The following CECR2 variants were observed in gnomAD, a reference collection of about 807,000 sequenced individuals.
CECR2 encodes chromatin remodeling regulator CECR2.
A neutral mutation model predicts 154.5 loss-of-function variants in CECR2; 30 were observed. That is an observed-to-expected ratio of 0.19 (90% CI 0.15 to 0.26). The LOEUF is 0.26. CECR2 is among the 10% of genes least tolerant of loss of function. The probability of loss-of-function intolerance (pLI) is 1.00; values close to 1 mark genes in which losing one functional copy is unlikely to be tolerated. For synonymous variants in CECR2, 725 were observed against 683.7 expected, an observed-to-expected ratio of 1.06 and a Z score of -0.94; for missense variants, 1,743 against 1,829.3, an observed-to-expected ratio of 0.95 and a Z score of 0.86.
At chr22:17,459,308 C>T (rs183698379) in intron 1 of CECR2, among the ~76,000 whole-genome samples, 5 of 152,236 alleles carry the variant, frequency 3.3e-5, no homozygotes, top group South Asian at 2.1e-4. Flanking sequence ...TTGCCCTGCC[C>T]GGCCCTGCAT....
At chr22:17,363,242 C>T (rs907643007) in intron 1 of CECR2, among the ~76,000 whole-genome samples, 8 of 150,828 alleles carry the variant, frequency 5.3e-5, no homozygotes, top group Non-Finnish European at 7.4e-5. Context: ...GTTGGGGTCT[C>T]GCTTTCGCCA....
chr22:17,367,964 A>G (rs2063011516), upstream of CECR2, among the ~76,000 whole-genome samples: 1 of 152,208 alleles, frequency 6.6e-6, no homozygotes, highest in East Asian at 1.9e-4. Context: ...ACTTTAAATC[A>G]TCAAATAGTT....
chr22:17,481,559 T>C (rs558373212), intron 2 of CECR2, among the ~76,000 whole-genome samples: 4 of 152,218 alleles, frequency 2.6e-5, no homozygotes, highest in East Asian at 1.9e-4. Flanking sequence ...TTTTCCGTTG[T>C]GGTTTGCATG....
intron 7 of CECR2, among the ~76,000 whole-genome samples, chr22:17,507,297 C>T (rs2146909143): frequency 6.6e-6 from 1 of 152,304 alleles, no homozygotes; most frequent in Middle Eastern, 3.4e-3. Flanking sequence ...TCCAGAAAAC[C>T]TCCGTTTCAC....
chr22:17,470,654 T>A (rs138155702), intron 1 of CECR2, among the ~76,000 whole-genome samples: 1 of 148,968 alleles, frequency 6.7e-6, no homozygotes, highest in East Asian at 2.0e-4. Flanking sequence ...AAATTTTCCT[T>A]GTCCGTTTTT....
At chr22:17,486,383 G>A (rs2055420555) in intron 2 of CECR2, among the ~76,000 whole-genome samples, 1 of 152,196 alleles carries the variant, frequency 6.6e-6, no homozygotes, top group Admixed American at 6.5e-5. Context: ...TGGGTGTAAG[G>A]CGTGGGGCTG....
chr22:17,395,840 A>G (rs1310978808), intron 1 of CECR2, among the ~76,000 whole-genome samples: 1 of 151,880 alleles, frequency 6.6e-6, no homozygotes, highest in Non-Finnish European at 1.5e-5. Flanking sequence ...TAAGTTGTTT[A>G]TTTTTATATT....
intron 1 of CECR2, among the ~76,000 whole-genome samples, chr22:17,476,634 C>T (rs1569106764): frequency 5.3e-5 from 8 of 152,228 alleles, no homozygotes; most frequent in African/African-American, 7.2e-5. Flanking sequence ...TTTTCAGAAC[C>T]GTTAATAAGA....
At chr22:17,477,040 T>A in intron 1 of CECR2, 1 of 701,150 alleles carries the variant, frequency 1.4e-6, no homozygotes. Flanking sequence ...CAATCACCTT[T>A]CATCAGCCAT....
At chr22:17,476,296 A>C (rs560470497) in intron 1 of CECR2, among the ~76,000 whole-genome samples, 48 of 151,126 alleles carry the variant, frequency 3.2e-4, no homozygotes, top group African/African-American at 1.1e-3. Flanking sequence ...ACAGTGTCTC[A>C]CTCTGTCGCC....
chr22:17,443,202 G>A (rs2054610175), intron 1 of CECR2, among the ~76,000 whole-genome samples: 1 of 152,192 alleles, frequency 6.6e-6, no homozygotes, highest in East Asian at 1.9e-4. Flanking sequence ...GCCCAGGAAA[G>A]CAAGGCAGGT....
At chr22:17,520,413 AAGT>A (rs1300775651) in intron 8 of CECR2, among the ~76,000 whole-genome samples, 1 of 151,774 alleles carries the variant, frequency 6.6e-6, no homozygotes, top group Admixed American at 6.6e-5. Flanking sequence ...TTTTTATTGT[AAGT>A]AGGATTTTTA....
intron 1 of CECR2, among the ~76,000 whole-genome samples, chr22:17,420,105 A>G: frequency 6.6e-6 from 1 of 152,186 alleles, no homozygotes; most frequent in Non-Finnish European, 1.5e-5. Flanking sequence ...GAAGATTTAA[A>G]CCAGAGGGGG....
intron 9 of CECR2, among the ~76,000 whole-genome samples, chr22:17,525,285 C>CAAAAA (rs1569142080): frequency 0.034 from 1,087 of 32,242 alleles, 321 homozygotes; most frequent in East Asian, 0.076. Context: ...AACTCCATCT[C>CAAAAA]CAAAAAAAAA....
chr22:17,548,044 TCA>T lies in CECR2; in HGVS notation c.2861-102_2861-101del, dbSNP rs577045372. ...AAACAATTTCCAGGTGGGGCTTGAA[TCA>T]CCACACATCCACCTTAATCTGACTC... On this transcript the variant is annotated intron_variant, in intron 16 of 18. Coordinates refer to ENST00000262608, the MANE Select transcript of CECR2 (RefSeq NM_001290047.2). 674 of 1,087,812 alleles carry T rather than the reference TCA, an allele frequency of 6.2e-4. No individual in the cohort carries two copies. The African/African-American group carries it at 9.5e-3, about 15-fold the overall frequency. The allele number at this position is 1,087,812 out of a possible 1,614,324, so 67.4% of individuals were successfully genotyped here.
At chr22:17,509,046 T>G (rs1006066996) in intron 7 of CECR2, among the ~76,000 whole-genome samples, 12 of 151,604 alleles carry the variant, frequency 7.9e-5, no homozygotes, top group African/African-American at 2.7e-4. Flanking sequence ...AGGTCTAGAG[T>G]TCAAGACCAG....
chr22:17,377,238 A>G (rs1352332844), intron 1 of CECR2, among the ~76,000 whole-genome samples: 1 of 152,160 alleles, frequency 6.6e-6, no homozygotes, highest in Non-Finnish European at 1.5e-5. Context: ...GTGTTTGCAA[A>G]TTATAGGAAT....
At chr22:17,490,640 A>G (rs918743750) in intron 2 of CECR2, among the ~76,000 whole-genome samples, 1 of 151,824 alleles carries the variant, frequency 6.6e-6, no homozygotes, top group African/African-American at 2.4e-5. Context: ...TAGTAGAGAC[A>G]GGGTTTCACC....
chr22:17,548,465 G>A lies in CECR2; in HGVS notation c.3178G>A (p.Glu1060Lys), dbSNP rs920660480. Residue 1060 changes from glutamate (E) to lysine (K), a missense_variant, in exon 17 of 19, where the codon GAA becomes AAA. Around this residue, in one of 4 missense-constraint regions of CECR2, gnomAD observed 1,250 missense variants for 1,192.1 expected, o/e 1.05. Transcript: ENST00000262608. ...TCTATCCGAGAACGGAGTCATTGGG[G>A]AAGCATCTCCTTGTGGATCGGAGGG... Reference protein sequence around the residue: ...GALSENGVIGEASPCGSEGKG... With the variant: ...GALSENGVIGKASPCGSEGKG... 3 of 1,613,894 alleles carry A rather than the reference G, an allele frequency of 1.9e-6. No individual in the cohort carries two copies. The highest frequency in any genetic ancestry group is 2.2e-5 in the East Asian group (1 of 44,896).
Sources: allele counts gnomAD v4.1 joint callset (sites outside exome capture counted in the v4.1 genomes callset), GRCh38; gene constraint gnomAD v4.1.1; regional missense constraint gnomAD v4.1.1; transcripts MANE v1.5; gene names NCBI Gene and HGNC (gene_info 2026-07-23, HGNC 2026-07-21).